The following MYO9A variants were observed in gnomAD, a reference collection of about 807,000 sequenced individuals.
The protein encoded by MYO9A is unconventional myosin-IXa.
MYO9A carries 103 observed loss-of-function variants against 293.3 expected under a neutral mutation model. The ratio of observed to expected loss-of-function variants is 0.35; its 90% CI spans 0.30 to 0.41. The LOEUF is 0.41. Among genes scored for constraint, MYO9A ranks in the 10% least tolerant of loss-of-function variants. The pLI is 1.00. For synonymous variants in MYO9A, 1,001 were observed against 1,035.7 expected (o/e 0.97, Z 0.64); for missense variants, 2,685 against 3,033.0 (o/e 0.89, Z 2.69).
intron 36 of MYO9A, 48 bp from the exon 37 acceptor site, chr15:71,851,406 C>T (rs1427205759): frequency 1.4e-6 from 2 of 1,435,056 alleles, no homozygotes; most frequent in African/African-American, 2.8e-5. Flanking sequence ...CCCCCTTATA[C>T]AGTGTATCTT....
chr15:71,886,210 A>G (rs1215978132), intron 27 of MYO9A, among the ~76,000 whole-genome samples: 19 of 151,282 alleles, frequency 1.3e-4, no homozygotes, highest in East Asian at 1.2e-3. Context: ...AAAAAAAAAA[A>G]AAAAGAAAGA....
At chr15:72,028,404 T>G (rs1239261406) in intron 3 of MYO9A, among the ~76,000 whole-genome samples, 2 of 151,168 alleles carry the variant, frequency 1.3e-5, no homozygotes, top group Admixed American at 6.6e-5. Context: ...TCCCAGCACT[T>G]TGGGAGGCCG....
In MYO9A at chr15:71,826,995, G is replaced by T; in HGVS notation, c.7232C>A (p.Pro2411His). The T allele has an allele frequency of 6.2e-7, 1 of 1,610,646 alleles. No homozygotes were observed. The highest frequency in any genetic ancestry group is 8.5e-7 in the Non-Finnish European group (1 of 1,178,784). Residue 2411 changes from proline (P) to histidine (H), a missense_variant, in exon 42 of 42, where the codon CCT (proline) becomes CAT (histidine). By Grantham distance (77) the Pro-to-His change is moderately conservative. Around this residue, in one of 10 missense-constraint regions of MYO9A, gnomAD observed 350 missense variants for 328.9 expected, o/e 1.06. Coordinates refer to ENST00000356056, the MANE Select transcript of MYO9A (RefSeq NM_006901.4). ...AAGTTGCTTTCGCAACTTGCTGGAA[G>T]GTTCAGACTTGCCAGCTGTCTTCAG... The part of the protein sequence containing the change: ...SSLKTAGKSE[P>H]SSKLRKQLKK...
Position 71,826,009 on chromosome 15 carries a change from GTTTT to G in MYO9A, c.*567_*570del, listed in dbSNP as rs1158678203. 2 of 64,198 alleles carry G rather than the reference GTTTT, an allele frequency of 3.1e-5. No individual in the cohort carries two copies. Among genetic ancestry groups the G allele is most frequent in the Admixed American group, 1.7e-4 (1 of 5,862 alleles). 4.0% of individuals were successfully genotyped at this position (64,198 alleles called of 1,614,324 possible). The stretch of plus-strand genomic sequence containing the variant: ...GGTTTTTTTTTGTTTTTTTTTTTTT[GTTTT>G]TTTTTTTTGTTTTTGCTTTCCCCAG... On this transcript the variant is annotated 3_prime_UTR_variant, in exon 42 of 42. Coordinates refer to ENST00000356056, the MANE Select transcript of MYO9A (RefSeq NM_006901.4).
chr15:72,108,610 G>C (rs1376809550), intron 1 of MYO9A, among the ~76,000 whole-genome samples: 2 of 152,128 alleles, frequency 1.3e-5, no homozygotes, highest in Non-Finnish European at 2.9e-5. Flanking sequence ...CATTTTTCAG[G>C]ACAGTTGGGA....
At chr15:71,840,874 G>A (rs1429555405) in intron 39 of MYO9A, among the ~76,000 whole-genome samples, 1 of 152,148 alleles carries the variant, frequency 6.6e-6, no homozygotes, top group East Asian at 1.9e-4. Context: ...CTCGTGATCC[G>A]CCCACCTCGG....
Position 71,901,267 on chromosome 15 carries a change from A to G in MYO9A, c.3074T>C (p.Leu1025Ser). ...LHQEVLRRII[L>S]LQRWFRVLLC... Reference sequence around the variant, plus strand: ...CAAGACCCTGAACCATCGCTGCAACAATATGATTCTGCGGAGCACCTCTTG... The same window carrying G: ...CAAGACCCTGAACCATCGCTGCAACGATATGATTCTGCGGAGCACCTCTTG... The change falls in exon 23 of 42, where the codon TTG (leucine) becomes TCG (serine). Residue 1025 changes from leucine to serine, a missense_variant. By Grantham distance (145) the Leu-to-Ser change is moderately radical (BLOSUM62 -2). Transcript: ENST00000356056. The G allele has an allele frequency of 6.2e-7, 1 of 1,614,104 alleles. No homozygotes were observed. Among genetic ancestry groups the G allele is most frequent in the Non-Finnish European group, 8.5e-7 (1 of 1,179,984 alleles).
rs189840886 is a variant in MYO9A at position 72,069,994 on chromosome 15, C to T, written c.-71-23360G>A. Reference sequence around the variant, plus strand: ...AAAAAAAATTAGCTGGGCATGGTGGCGGCATGCACCTGTAGTCCCTGCTAC... The same window carrying T: ...AAAAAAAATTAGCTGGGCATGGTGGTGGCATGCACCTGTAGTCCCTGCTAC... On this transcript the variant is annotated intron_variant, in intron 1 of 41. Coordinates refer to ENST00000356056, the MANE Select transcript of MYO9A (RefSeq NM_006901.4). 4.8e-4 allele frequency among the ~76,000 whole-genome samples: 73 copies of T among 151,602 alleles called. No individual in the cohort carries two copies. In the East Asian group the frequency reaches 9.7e-3, roughly 20 times the overall value.
chr15:72,049,647 C>G (rs1273080396), intron 1 of MYO9A, among the ~76,000 whole-genome samples: 1 of 152,240 alleles, frequency 6.6e-6, no homozygotes, highest in Non-Finnish European at 1.5e-5. Flanking sequence ...AGATCGTCAG[C>G]AGCATGAGAT....
intron 14 of MYO9A, among the ~76,000 whole-genome samples, chr15:71,954,215 T>C (rs1360813580): frequency 6.6e-6 from 1 of 151,678 alleles, no homozygotes; most frequent in Non-Finnish European, 1.5e-5. Flanking sequence ...TTTTTTCTTT[T>C]TTTAAGATGG....
chr15:71,842,588 G>A (rs374357415), intron 39 of MYO9A, among the ~76,000 whole-genome samples: 43 of 152,038 alleles, frequency 2.8e-4, no homozygotes, highest in South Asian at 2.1e-4. Context: ...GGCTGGGCAC[G>A]GTGGCTCACA....
chr15:72,094,815 T>C (rs1465896691), intron 1 of MYO9A, among the ~76,000 whole-genome samples: 1 of 92,060 alleles, frequency 1.1e-5, no homozygotes, highest in African/African-American at 2.6e-5. Context: ...ACACCTAGCT[T>C]CAAACTTTTT....
intron 20 of MYO9A, among the ~76,000 whole-genome samples, 181 bp downstream of exon 20, chr15:71,904,745 C>T (rs556011030): frequency 6.6e-6 from 1 of 152,196 alleles, no homozygotes; most frequent in Admixed American, 6.5e-5. Context: ...TAAATCAAAT[C>T]CAAATAAACA....
chr15:71,837,532 T>G (rs2054991785), intron 39 of MYO9A, among the ~76,000 whole-genome samples: 1 of 152,098 alleles, frequency 6.6e-6, no homozygotes, highest in Non-Finnish European at 1.5e-5. Context: ...GTGTCCACAT[T>G]CCAGTATTCA....
At chr15:72,102,595 A>G in intron 1 of MYO9A, among the ~76,000 whole-genome samples, 1 of 152,284 alleles carries the variant, frequency 6.6e-6, no homozygotes, top group East Asian at 1.9e-4. Flanking sequence ...GATATATCAG[A>G]AAGCCAATCA....
intron 1 of MYO9A, among the ~76,000 whole-genome samples, chr15:72,065,186 T>C (rs1429028380): frequency 2.0e-5 from 3 of 152,110 alleles, no homozygotes; most frequent in Non-Finnish European, 2.9e-5. Flanking sequence ...CCATGAAAGG[T>C]AATAAAATTA....
At chr15:71,910,479 T>C (rs552929942) in intron 19 of MYO9A, among the ~76,000 whole-genome samples, 6 of 152,126 alleles carry the variant, frequency 3.9e-5, no homozygotes, top group Non-Finnish European at 8.8e-5. Flanking sequence ...CATTAAGAGA[T>C]GAGTATTTCG....
At chr15:72,007,707 T>A in intron 8 of MYO9A, 119 bp downstream of exon 8, 1 of 900,978 alleles carries the variant, frequency 1.1e-6, no homozygotes, top group Non-Finnish European at 1.6e-6. Context: ...TTAAAAATAG[T>A]GCCTAATAAA....
At chr15:71,990,511 T>C (rs900452753) in intron 11 of MYO9A, among the ~76,000 whole-genome samples, 2 of 152,108 alleles carry the variant, frequency 1.3e-5, no homozygotes, top group African/African-American at 4.8e-5. Flanking sequence ...ATCCCAGCAC[T>C]TTGGGAGGCT....
Sources: allele counts gnomAD v4.1 joint callset (sites outside exome capture counted in the v4.1 genomes callset), GRCh38; gene constraint gnomAD v4.1.1; regional missense constraint gnomAD v4.1.1; transcripts MANE v1.5; gene names NCBI Gene and HGNC (gene_info 2026-07-23, HGNC 2026-07-21).